Variants in TMEM132D observed in about 807,000 individuals in gnomAD.
TMEM132D encodes the protein transmembrane protein 132D, also known as mature OL transmembrane protein.
Under a neutral mutation model 62.3 loss-of-function variants are expected in TMEM132D, and 21 were observed. That is an observed-to-expected ratio of 0.34 (90% confidence interval 0.24 to 0.49). TMEM132D has a LOEUF of 0.49. Among genes scored for constraint, TMEM132D ranks in the 20% least tolerant of loss-of-function variants. The pLI is 0.99. For missense variants in TMEM132D, 1,346 were observed against 1,402.8 expected (o/e 0.96, Z 0.65); for synonymous variants, 621 against 575.6 (o/e 1.08, Z -1.13).
chr12:129,417,049 G>C (rs141176544), intron 3 of TMEM132D, among the ~76,000 whole-genome samples: 2 of 152,162 alleles, frequency 1.3e-5, no homozygotes, highest in Admixed American at 6.5e-5. Flanking sequence ...GTATCAGAAT[G>C]ATGCTGGCTT....
At chr12:129,320,286 G>A (rs1257700185) in intron 4 of TMEM132D, among the ~76,000 whole-genome samples, 2 of 152,162 alleles carry the variant, frequency 1.3e-5, no homozygotes, top group Non-Finnish European at 2.9e-5. Flanking sequence ...CTGAAAAGAA[G>A]ATAAACCATC....
intron 3 of TMEM132D, among the ~76,000 whole-genome samples, chr12:129,434,439 T>C (rs1872736904): frequency 6.6e-6 from 1 of 152,200 alleles, no homozygotes. Flanking sequence ...CCAATAGTGA[T>C]ACCCTCCTCA....
chr12:129,625,405 A>C (rs1306506903), intron 2 of TMEM132D, among the ~76,000 whole-genome samples: 1 of 152,086 alleles, frequency 6.6e-6, no homozygotes, highest in East Asian at 1.9e-4. Flanking sequence ...TCTTTCTTCC[A>C]CCTTTGGCAC....
chr12:129,288,445 C>A (rs1370462146), intron 4 of TMEM132D, among the ~76,000 whole-genome samples: 1 of 152,146 alleles, frequency 6.6e-6, no homozygotes, highest in Non-Finnish European at 1.5e-5. Flanking sequence ...GGGTTAAAGA[C>A]TTAAATAGAC....
rs111904342 is a variant in TMEM132D at position 129,571,466 on chromosome 12, G to A, written c.969-40261C>T. ...GCACGTCTACAGTCCCAGCTACTCC[G>A]GAGGCTGAGGTGGGAGAATGGCTTG... On this transcript the variant is annotated intron_variant, in intron 2 of 8. Coordinates refer to ENST00000422113, the MANE Select transcript of TMEM132D (RefSeq NM_133448.3). Among the ~76,000 whole-genome samples, 21 of 152,242 alleles carry A rather than the reference G, an allele frequency of 1.4e-4. No homozygotes were observed. In the South Asian group the frequency reaches 2.5e-3, roughly 18 times the overall value.
At chr12:129,118,903 C>T (rs1032613872) in intron 5 of TMEM132D, among the ~76,000 whole-genome samples, 2 of 152,328 alleles carry the variant, frequency 1.3e-5, no homozygotes, top group Non-Finnish European at 1.5e-5. Flanking sequence ...CAGCTACTCA[C>T]ATGCAGCTCA....
intron 5 of TMEM132D, among the ~76,000 whole-genome samples, chr12:129,174,453 C>A (rs541429332): frequency 2.6e-5 from 4 of 152,118 alleles, no homozygotes; most frequent in African/African-American, 9.6e-5. Context: ...GTATATGTAC[C>A]AAATTTTCTT....
chr12:129,786,115 C>T (rs550770122), intron 1 of TMEM132D, among the ~76,000 whole-genome samples: 15 of 152,286 alleles, frequency 9.8e-5, no homozygotes, highest in Non-Finnish European at 2.1e-4. Context: ...TTCCACCCCC[C>T]AGGCCTGGGC....
chr12:129,671,367 T>C (rs1327872341), intron 2 of TMEM132D, among the ~76,000 whole-genome samples: 1 of 152,236 alleles, frequency 6.6e-6, no homozygotes, highest in East Asian at 1.9e-4. Flanking sequence ...TGAGTTTCCA[T>C]GAAAAATATA....
intron 3 of TMEM132D, among the ~76,000 whole-genome samples, chr12:129,375,599 G>C (rs1314693828): frequency 1.3e-5 from 2 of 152,182 alleles, no homozygotes; most frequent in African/African-American, 2.4e-5. Flanking sequence ...TTAATCTTAT[G>C]AGATTTGTGG....
chr12:129,674,076 A>C (rs1486510127), intron 2 of TMEM132D, among the ~76,000 whole-genome samples: 1 of 152,188 alleles, frequency 6.6e-6, no homozygotes, highest in Non-Finnish European at 1.5e-5. Flanking sequence ...CCCTGTCTGA[A>C]ATGCAAGCCT....
chr12:129,515,005 T>A (rs562869564), intron 3 of TMEM132D, among the ~76,000 whole-genome samples: 2 of 152,350 alleles, frequency 1.3e-5, no homozygotes, highest in East Asian at 3.9e-4. Context: ...CAAAGCCTGC[T>A]AGCATAAACT....
At chr12:129,153,141 A>G (rs902603629) in intron 5 of TMEM132D, among the ~76,000 whole-genome samples, 2 of 151,584 alleles carry the variant, frequency 1.3e-5, no homozygotes, top group African/African-American at 4.9e-5. Flanking sequence ...CTAAATCCCA[A>G]CCCTCGAGTC....
intron 3 of TMEM132D, among the ~76,000 whole-genome samples, chr12:129,504,705 T>C (rs1278497796): frequency 2.0e-5 from 3 of 152,220 alleles, no homozygotes; most frequent in African/African-American, 7.2e-5. Flanking sequence ...TATTTTTTTG[T>C]TTCAATTTCA....
chr12:129,848,594 G>C (rs1002346632), intron 1 of TMEM132D, among the ~76,000 whole-genome samples: 1 of 152,214 alleles, frequency 6.6e-6, no homozygotes, highest in Non-Finnish European at 1.5e-5. Flanking sequence ...GTGTAGGACA[G>C]TCATTTGCAA....
rs116158076 is a variant in TMEM132D at position 129,521,006 on chromosome 12, C to G, written c.1115+10053G>C. On this transcript the variant is annotated intron_variant, in intron 3 of 8. Transcript: ENST00000422113. ...CTGAGTAATTGTAGACAAAAAACACCCAGTGGCTGAGATTGATATTGACTT... is the reference window on the plus strand; with the variant it reads ...CTGAGTAATTGTAGACAAAAAACACGCAGTGGCTGAGATTGATATTGACTT... Among the ~76,000 whole-genome samples, 1,025 of 152,254 alleles carry G rather than the reference C, an allele frequency of 6.7e-3. 13 individuals are homozygous for G. The highest frequency in any genetic ancestry group is 0.023 in the African/African-American group (955 of 41,534).
intron 2 of TMEM132D, among the ~76,000 whole-genome samples, chr12:129,621,767 G>A (rs1289746273): frequency 6.6e-6 from 1 of 152,206 alleles, no homozygotes; most frequent in East Asian, 1.9e-4. Context: ...CTGAGGCACA[G>A]AGAGGCTAAA....
At chr12:129,696,002 C>G (rs901260643) in intron 2 of TMEM132D, among the ~76,000 whole-genome samples, 4 of 152,168 alleles carry the variant, frequency 2.6e-5, no homozygotes, top group African/African-American at 9.7e-5. Flanking sequence ...CACATTTTAC[C>G]TGAAATAGAA....
chr12:129,506,885 G>T (rs1285566111), intron 3 of TMEM132D, among the ~76,000 whole-genome samples: 2 of 152,148 alleles, frequency 1.3e-5, no homozygotes, highest in Non-Finnish European at 2.9e-5. Context: ...AAAGGCTTTT[G>T]CACAGCAAGA....
Sources: gnomAD v4.1 joint callset for allele counts (sites outside exome capture counted in the v4.1 genomes callset) on GRCh38, gnomAD v4.1.1 for gene constraint, MANE v1.5 for transcripts, NCBI Gene and HGNC (gene_info 2026-07-23, HGNC 2026-07-21) for gene names.